ETV6: variants seen among roughly 807,000 people sequenced by gnomAD.
ETV6 encodes the protein ETS variant transcription factor 6.
A neutral mutation model predicts 51.1 loss-of-function variants in ETV6; 16 were observed. The observed-to-expected ratio is 0.31, with a 90% CI of 0.21 to 0.48. The LOEUF is 0.48. ETV6 is among the 20% of genes least tolerant of loss of function. The pLI is 0.99. For synonymous variants in ETV6, 240 were observed against 224.1 expected, an observed-to-expected ratio of 1.07 and a Z score of -0.64; for missense variants, 458 against 594.8, an observed-to-expected ratio of 0.77 and a Z score of 2.39.
At chr12:11,805,659 T>G (rs1945818609) in intron 2 of ETV6, among the ~76,000 whole-genome samples, 2 of 152,294 alleles carry the variant, frequency 1.3e-5, no homozygotes, top group South Asian at 4.1e-4. Context: ...TGGAAGAGGA[T>G]TTGTTCTACA....
chr12:11,736,068 T>G (rs535888293), intron 1 of ETV6, among the ~76,000 whole-genome samples: 6 of 152,226 alleles, frequency 3.9e-5, no homozygotes, highest in Non-Finnish European at 2.9e-5. Flanking sequence ...TTCTTTTCCT[T>G]TTCCCTTAAG....
chr12:11,761,903 A>T (rs1313948169), intron 2 of ETV6, among the ~76,000 whole-genome samples: 1 of 152,224 alleles, frequency 6.6e-6, no homozygotes, highest in African/African-American at 2.4e-5. Context: ...ATTATCTGTA[A>T]ATGCCAGATT....
At chr12:11,840,516 A>G (rs1486939784) in intron 3 of ETV6, 20 of 455,974 alleles carry the variant, frequency 4.4e-5, no homozygotes, top group Admixed American at 3.8e-4. Context: ...AGGTCTTGGC[A>G]TAGTCCCTAA....
intron 1 of ETV6, among the ~76,000 whole-genome samples, chr12:11,735,946 G>A (rs1865696677): frequency 6.6e-6 from 1 of 152,198 alleles, no homozygotes; most frequent in African/African-American, 2.4e-5. Context: ...TGAATCCCAA[G>A]TTTTTAGTCT....
chr12:11,888,205 T>G (rs1284134015), intron 7 of ETV6, among the ~76,000 whole-genome samples: 1 of 152,184 alleles, frequency 6.6e-6, no homozygotes, highest in African/African-American at 2.4e-5. Context: ...TACAGTTCCC[T>G]ATGCCAGAAA....
At chr12:11,797,486 A>G (rs1414285912) in intron 2 of ETV6, among the ~76,000 whole-genome samples, 3 of 152,246 alleles carry the variant, frequency 2.0e-5, no homozygotes, top group African/African-American at 7.2e-5. Flanking sequence ...GGATTCGGTC[A>G]TAGGACTTCT....
chr12:11,665,884 G>C, intron 1 of ETV6, among the ~76,000 whole-genome samples: 1 of 152,224 alleles, frequency 6.6e-6, no homozygotes, highest in Non-Finnish European at 1.5e-5. Context: ...ACTTTCTAGA[G>C]GGGAATATAG....
At chr12:11,831,201 G>T (rs561680228) in intron 2 of ETV6, among the ~76,000 whole-genome samples, 1 of 151,792 alleles carries the variant, frequency 6.6e-6, no homozygotes, top group Non-Finnish European at 1.5e-5. Context: ...GTGTGTGTGT[G>T]TGTCTGTGTC....
At chr12:11,654,727 A>G (rs1863968125) in intron 1 of ETV6, among the ~76,000 whole-genome samples, 2 of 152,132 alleles carry the variant, frequency 1.3e-5, no homozygotes, top group African/African-American at 4.8e-5. Context: ...ATGTATATAT[A>G]TATATTTTTT....
intron 1 of ETV6, among the ~76,000 whole-genome samples, chr12:11,682,360 G>A (rs1864547512): frequency 6.6e-6 from 1 of 152,168 alleles, no homozygotes; most frequent in South Asian, 2.1e-4. Flanking sequence ...CCGCATAAAT[G>A]TCTTCTTTTG....
intron 2 of ETV6, 139 bp downstream of exon 2, chr12:11,752,718 C>A: frequency 8.8e-7 from 1 of 1,129,944 alleles, no homozygotes; most frequent in Non-Finnish European, 1.2e-6. Flanking sequence ...GAATCTTTCA[C>A]ACCCCCCTAC....
intron 2 of ETV6, among the ~76,000 whole-genome samples, chr12:11,828,649 T>A (rs1047223528): frequency 6.6e-6 from 1 of 152,182 alleles, no homozygotes; most frequent in Admixed American, 6.5e-5. Flanking sequence ...AATATTTGTG[T>A]CCATGTGCCT....
intron 1 of ETV6, among the ~76,000 whole-genome samples, chr12:11,673,773 G>T (rs1864363851): frequency 6.6e-6 from 1 of 152,164 alleles, no homozygotes; most frequent in Admixed American, 6.5e-5. Flanking sequence ...ATTTGATCTT[G>T]GCCAGATATT....
At chr12:11,669,987 G>A (rs567059899) in intron 1 of ETV6, among the ~76,000 whole-genome samples, 4 of 150,686 alleles carry the variant, frequency 2.7e-5, no homozygotes, top group Admixed American at 6.6e-5. Context: ...TCTGCTTTTC[G>A]ATGATTCTAC....
At chr12:11,772,266 G>C (rs1375930084) in intron 2 of ETV6, among the ~76,000 whole-genome samples, 1 of 152,196 alleles carries the variant, frequency 6.6e-6, no homozygotes, top group African/African-American at 2.4e-5. Flanking sequence ...TTTGCAGAAA[G>C]ACTCAGAGAT....
intron 2 of ETV6, among the ~76,000 whole-genome samples, chr12:11,755,985 A>T (rs1945000182): frequency 6.6e-6 from 1 of 152,308 alleles, no homozygotes; most frequent in Non-Finnish European, 1.5e-5. Flanking sequence ...AGCAGAGATC[A>T]TATTATTTAA....
intron 4 of ETV6, among the ~76,000 whole-genome samples, chr12:11,866,031 G>C (rs903033853): frequency 3.6e-4 from 54 of 151,972 alleles, no homozygotes; most frequent in African/African-American, 1.2e-3. Flanking sequence ...ACGTGATATT[G>C]TTCCACAGGT....
chr12:11,853,153 C>G (rs563287386), intron 3 of ETV6, among the ~76,000 whole-genome samples: 16 of 152,368 alleles, frequency 1.1e-4, no homozygotes, highest in Admixed American at 9.1e-4. Flanking sequence ...TGCCTCTGCA[C>G]TTCAGCACTG....
chr12:11,741,266 A>G (rs1865803665), intron 1 of ETV6, among the ~76,000 whole-genome samples: 2 of 152,226 alleles, frequency 1.3e-5, no homozygotes, highest in South Asian at 2.1e-4. Context: ...CAACCTTGAC[A>G]GCCATCATGT....
Sources: allele counts gnomAD v4.1 joint callset (sites outside exome capture counted in the v4.1 genomes callset), GRCh38; gene constraint gnomAD v4.1.1; transcripts MANE v1.5; gene names NCBI Gene and HGNC (gene_info 2026-07-23, HGNC 2026-07-21).